Variants in PDE4B observed in about 807,000 individuals in gnomAD.
PDE4B encodes the protein 3',5'-cyclic-AMP phosphodiesterase 4B.
In PDE4B, 20 loss-of-function variants were observed where a neutral mutation model predicts 82.2. That is an observed-to-expected ratio of 0.24 (90% confidence interval 0.17 to 0.35). The LOEUF (loss-of-function observed/expected upper bound fraction) is 0.35. Ranked by LOEUF, PDE4B falls within the 10% of genes least tolerant of loss-of-function variation. The probability of loss-of-function intolerance (pLI) is 1.00; values close to 1 mark genes in which losing one functional copy is unlikely to be tolerated. For synonymous variants in PDE4B, 320 were observed against 318.9 expected (o/e 1.00, Z -0.04); for missense variants, 655 against 907.2 (o/e 0.72, Z 3.57).
intron 1 of PDE4B, among the ~76,000 whole-genome samples, chr1:65,910,587 C>T (rs148867929): frequency 7.0e-4 from 106 of 152,208 alleles, no homozygotes; most frequent in Middle Eastern, 3.4e-3. Context: ...AGGGTATGGG[C>T]AGGGTTGAGG....
intron 3 of PDE4B, among the ~76,000 whole-genome samples, chr1:66,095,040 CA>C (rs1210081309): frequency 2.6e-5 from 4 of 151,772 alleles, no homozygotes; most frequent in African/African-American, 9.7e-5. Context: ...CTTTGGAAAG[CA>C]AAGGTGGAAT....
intron 3 of PDE4B, among the ~76,000 whole-genome samples, chr1:66,009,905 T>TTATCTATC (rs80200150): frequency 5.4e-5 from 7 of 130,474 alleles, no homozygotes; most frequent in African/African-American, 2.2e-4. Flanking sequence ...ATCTGTATCT[T>TTATCTATC]TATCTATCTA....
At chr1:66,234,311 C>T (rs762103294) in intron 3 of PDE4B, among the ~76,000 whole-genome samples, 27 of 152,064 alleles carry the variant, frequency 1.8e-4, no homozygotes, top group Non-Finnish European at 2.5e-4. Flanking sequence ...ATTTTTGAGA[C>T]GGAGTCTTGC....
At chr1:65,809,778 T>C (rs972956581) in intron 1 of PDE4B, among the ~76,000 whole-genome samples, 1 of 152,238 alleles carries the variant, frequency 6.6e-6, no homozygotes, top group Non-Finnish European at 1.5e-5. Flanking sequence ...AGTCACTGAA[T>C]GAGTAATTTT....
chr1:66,329,012 G>C (rs1461614356), intron 7 of PDE4B, among the ~76,000 whole-genome samples: 1 of 152,220 alleles, frequency 6.6e-6, no homozygotes, highest in Non-Finnish European at 1.5e-5. Flanking sequence ...CATGAGAAGG[G>C]AGAAATACCT....
chr1:66,069,810 T>G (rs1656058569), intron 3 of PDE4B, among the ~76,000 whole-genome samples: 1 of 152,068 alleles, frequency 6.6e-6, no homozygotes, highest in Non-Finnish European at 1.5e-5. Flanking sequence ...AATTGGCCCT[T>G]CATTGTATCT....
intron 3 of PDE4B, among the ~76,000 whole-genome samples, chr1:66,124,213 G>A (rs977329556): frequency 6.6e-6 from 1 of 152,134 alleles, no homozygotes; most frequent in Non-Finnish European, 1.5e-5. Flanking sequence ...GGGAAGTCGG[G>A]AAGACACCAA....
At chr1:65,921,153 A>G (rs1381874677) in intron 3 of PDE4B, among the ~76,000 whole-genome samples, 1 of 150,804 alleles carries the variant, frequency 6.6e-6, no homozygotes, top group Non-Finnish European at 1.5e-5. Flanking sequence ...TATTTTTAGT[A>G]GAGACGGGGT....
At chr1:66,343,100 G>A (rs939839338) in intron 8 of PDE4B, among the ~76,000 whole-genome samples, 8 of 152,018 alleles carry the variant, frequency 5.3e-5, no homozygotes, top group Non-Finnish European at 1.0e-4. Flanking sequence ...CTAAAATGGA[G>A]ATTTTATTGA....
chr1:66,273,361 T>C (rs187642875), intron 7 of PDE4B, among the ~76,000 whole-genome samples: 1 of 152,366 alleles, frequency 6.6e-6, no homozygotes, highest in East Asian at 1.9e-4. Flanking sequence ...TCAGGGATTA[T>C]TTTTCACATT....
At chr1:65,996,313 A>G (rs1034671322) in intron 3 of PDE4B, among the ~76,000 whole-genome samples, 1 of 151,592 alleles carries the variant, frequency 6.6e-6, no homozygotes, top group African/African-American at 2.4e-5. Context: ...ATTATTTGTT[A>G]TGATTTATCT....
intron 7 of PDE4B, among the ~76,000 whole-genome samples, chr1:66,296,239 G>T (rs1195201294): frequency 6.6e-6 from 1 of 152,082 alleles, no homozygotes; most frequent in South Asian, 2.1e-4. Flanking sequence ...CACAGGACCT[G>T]GCCTAATGCT....
intron 3 of PDE4B, among the ~76,000 whole-genome samples, chr1:66,040,714 T>C (rs1654319266): frequency 6.6e-6 from 1 of 150,960 alleles, no homozygotes; most frequent in Admixed American, 6.6e-5. Flanking sequence ...AAGAAGTGAC[T>C]TTGCTCAGGA....
intron 3 of PDE4B, among the ~76,000 whole-genome samples, chr1:65,960,072 T>A (rs1649470064): frequency 6.6e-6 from 1 of 152,142 alleles, no homozygotes; most frequent in African/African-American, 2.4e-5. Context: ...AAGTCTACAT[T>A]TTATTATTGC....
At chr1:66,036,104 A>T (rs1654045776) in intron 3 of PDE4B, among the ~76,000 whole-genome samples, 1 of 152,160 alleles carries the variant, frequency 6.6e-6, no homozygotes, top group South Asian at 2.1e-4. Context: ...GATGTTAAGC[A>T]CTGTGGGCAT....
At chr1:65,958,757 C>T (rs1010511667) in intron 3 of PDE4B, among the ~76,000 whole-genome samples, 29 of 149,224 alleles carry the variant, frequency 1.9e-4, no homozygotes, top group Non-Finnish European at 3.2e-4. Flanking sequence ...CACGCGCGCG[C>T]GCGCGCGCAC....
chr1:65,882,313 T>G (rs1646717407), intron 1 of PDE4B, among the ~76,000 whole-genome samples: 1 of 152,238 alleles, frequency 6.6e-6, no homozygotes, highest in Non-Finnish European at 1.5e-5. Flanking sequence ...CTTTCAGAAT[T>G]CTGAGCTGTC....
chr1:66,068,869 G>T (rs984820836), intron 3 of PDE4B, among the ~76,000 whole-genome samples: 1 of 151,962 alleles, frequency 6.6e-6, no homozygotes, highest in African/African-American at 2.4e-5. Flanking sequence ...GTAACAGATA[G>T]GTACATGTTC....
intron 8 of PDE4B, among the ~76,000 whole-genome samples, chr1:66,345,874 T>A (rs1661358261): frequency 6.6e-6 from 1 of 152,206 alleles, no homozygotes; most frequent in African/African-American, 2.4e-5. Flanking sequence ...CAGAGTCAGA[T>A]AACAAAGAAC....
Sources: gnomAD v4.1 joint callset for allele counts (sites outside exome capture counted in the v4.1 genomes callset) on GRCh38, gnomAD v4.1.1 for gene constraint, MANE v1.5 for transcripts, NCBI Gene and HGNC (gene_info 2026-07-23, HGNC 2026-07-21) for gene names.